The following ATRX variants were observed in gnomAD, a reference collection of about 807,000 sequenced individuals.
ATRX encodes chromatin remodeler ATRX.
A neutral mutation model predicts 172.6 loss-of-function variants in ATRX; 12 were observed. The observed-to-expected ratio is 0.07, with a 90% confidence interval of 0.04 to 0.11. The LOEUF is 0.11. Among genes scored for constraint, ATRX ranks in the 10% least tolerant of loss-of-function variants. The pLI is 1.00. For missense variants in ATRX, 1,368 were observed against 1,767.4 expected (o/e 0.77, Z 4.05); for synonymous variants, 674 against 594.7 (o/e 1.13, Z -1.94).
rs2148150847 is a variant in ATRX at position 77,599,837 on chromosome X, G to A, written c.5698-17C>T. The A allele has an allele frequency of 9.1e-7, 1 of 1,093,719 alleles. No individual in the cohort carries two copies. Among genetic ancestry groups the A allele is most frequent in the Non-Finnish European group, 1.3e-6 (1 of 789,755 alleles). 90.1% of individuals were successfully genotyped at this position (1,093,719 alleles called of 1,213,427 possible). On this transcript the variant is annotated splice_polypyrimidine_tract_variant and intron_variant, in intron 23 of 34. Coordinates refer to ENST00000373344, the MANE Select transcript of ATRX (RefSeq NM_000489.6). ...AAAATAACCCTAGAGAAAAAAAAAT[G>A]ACCACTATTTTAATAGAATATCTCA... is the stretch of plus-strand genomic sequence containing the variant.
intron 22 of ATRX, among the ~76,000 whole-genome samples, chrX:77,611,691 T>C (rs1206990594): frequency 9.0e-6 from 1 of 110,942 alleles, no homozygotes; most frequent in Admixed American, 9.6e-5. Flanking sequence ...ACCCCATCTC[T>C]CTATATAAAA....
At position 77,665,395 on chromosome X, in the gene ATRX, G is replaced by A. The variant is rs782407666; in HGVS notation, c.3810-617C>T. On this transcript the variant is annotated intron_variant, in intron 10 of 34. Coordinates refer to ENST00000373344, the MANE Select transcript of ATRX (RefSeq NM_000489.6). ...ATCTCTAATAATATTCAAGACAGGG[G>A]AAAGAAGGGACATGAGTGCTATTAA... Among the ~76,000 whole-genome samples the A allele has an allele frequency of 5.4e-5, 6 of 111,372 alleles. No individual in the cohort carries two copies. The South Asian group carries it at 2.2e-3, about 42-fold the overall frequency.
chrX:77,709,771 G>A (rs370129003), intron 2 of ATRX, among the ~76,000 whole-genome samples: 136 of 108,391 alleles, frequency 1.3e-3, no homozygotes, highest in African/African-American at 3.1e-3. Flanking sequence ...ACACAGTGAG[G>A]CTCTGTCTCT....
In ATRX at chrX:77,552,555, T is replaced by C. The variant is rs186556194; in HGVS notation, c.6699+4896A>G. 9.7e-3 allele frequency among the ~76,000 whole-genome samples: 1,066 copies of C among 109,791 alleles called. 8 individuals are homozygous for C. The highest frequency in any genetic ancestry group is 0.033 in the African/African-American group (1,003 of 30,135). On this transcript the variant is annotated intron_variant, in intron 30 of 34. Coordinates refer to ENST00000373344, the MANE Select transcript of ATRX (RefSeq NM_000489.6). The stretch of plus-strand genomic sequence containing the variant: ...GCAGCACACCAACATGGCACACGTA[T>C]ACATATGTAACAAACCTGCACGTTG...
chrX:77,605,747 C>T (rs782685079), intron 22 of ATRX, among the ~76,000 whole-genome samples: 3 of 111,202 alleles, frequency 2.7e-5, no homozygotes, highest in East Asian at 5.6e-4. Context: ...AAAATACTAA[C>T]CTAATTCAAC....
At chrX:77,737,933 G>A (rs2074675113) in intron 1 of ATRX, among the ~76,000 whole-genome samples, 1 of 111,457 alleles carries the variant, frequency 9.0e-6, no homozygotes, top group Admixed American at 9.6e-5. Context: ...ATTCTAACAT[G>A]TACATTTAAT....
intron 27 of ATRX, among the ~76,000 whole-genome samples, chrX:77,579,751 G>C (rs782056350): frequency 8.9e-6 from 1 of 111,844 alleles, no homozygotes; most frequent in African/African-American, 3.2e-5. Context: ...TCAATGCCAA[G>C]ACACCAACGA....
At chrX:77,551,792 G>A (rs1415212191) in intron 30 of ATRX, among the ~76,000 whole-genome samples, 3 of 111,559 alleles carry the variant, frequency 2.7e-5, no homozygotes, top group South Asian at 3.8e-4. Flanking sequence ...AAACAACCCC[G>A]TCAACAAGTG....
At chrX:77,753,268 A>T (rs1192992924) in intron 1 of ATRX, among the ~76,000 whole-genome samples, 2 of 111,151 alleles carry the variant, frequency 1.8e-5, no homozygotes, top group African/African-American at 6.5e-5. Flanking sequence ...GGTGTTTATA[A>T]TATTATCTGA....
At chrX:77,601,479 T>TAA (rs577604717) in intron 22 of ATRX, among the ~76,000 whole-genome samples, 12 of 89,783 alleles carry the variant, frequency 1.3e-4, no homozygotes, top group African/African-American at 4.1e-4. Context: ...CCTTGTCTCT[T>TAA]AAAAAAAAAA....
intron 30 of ATRX, among the ~76,000 whole-genome samples, chrX:77,546,774 G>A (rs923287246): frequency 3.6e-5 from 4 of 111,819 alleles, no homozygotes; most frequent in African/African-American, 1.3e-4. Flanking sequence ...GTGTGCCACT[G>A]TGTCCGACTA....
rs2148656223 is a variant in ATRX at position 77,688,833 on chromosome X, T to C, written c.579A>G (p.Gln193=). ...KDSIYRHPSL[Q]VLICKNCFKY... is the part of the protein sequence containing the mutation. Reference sequence around the variant, plus strand: ...CATTACATACCTTACAAATAAGAACTTGCAATGAAGGGTGTCTATAAATGG... The same window carrying C: ...CATTACATACCTTACAAATAAGAACCTGCAATGAAGGGTGTCTATAAATGG... Residue 193 remains glutamine (Q), a synonymous_variant, in exon 7 of 35, where the codon CAA becomes CAG. Coordinates refer to ENST00000373344, the MANE Select transcript of ATRX (RefSeq NM_000489.6). The C allele has an allele frequency of 8.3e-7, 1 of 1,202,454 alleles. No homozygotes were observed. The highest frequency in any genetic ancestry group is 1.1e-6 in the Non-Finnish European group (1 of 887,371).
chrX:77,703,973 G>C (rs1205011983), intron 2 of ATRX, among the ~76,000 whole-genome samples: 2 of 110,873 alleles, frequency 1.8e-5, no homozygotes, highest in Non-Finnish European at 3.8e-5. Flanking sequence ...GTTACTACAA[G>C]TGTTCAGCTA....
intron 30 of ATRX, among the ~76,000 whole-genome samples, chrX:77,556,982 T>C (rs1205489319): frequency 8.9e-6 from 1 of 111,871 alleles, no homozygotes; most frequent in Non-Finnish European, 1.9e-5. Context: ...GCTGCTGGAT[T>C]GAGGGAGATA....
chrX:77,662,004 G>A (rs1423528185), intron 12 of ATRX, among the ~76,000 whole-genome samples: 1 of 111,204 alleles, frequency 9.0e-6, no homozygotes, highest in African/African-American at 3.3e-5. Flanking sequence ...TGCTTGTGTT[G>A]TAAATCTTCA....
intron 22 of ATRX, among the ~76,000 whole-genome samples, chrX:77,602,305 C>A (rs781998973): frequency 9.0e-6 from 1 of 111,298 alleles, no homozygotes; most frequent in East Asian, 2.8e-4. Flanking sequence ...CCACTGTAGT[C>A]GGCACTTATT....
chrX:77,590,727 C>T (rs1400567225), intron 26 of ATRX, among the ~76,000 whole-genome samples: 1 of 110,617 alleles, frequency 9.0e-6, no homozygotes, highest in Non-Finnish European at 1.9e-5. Flanking sequence ...GAACTTCAAC[C>T]TAAACTGCAT....
At chrX:77,714,891 T>C (rs1383491597) in intron 2 of ATRX, among the ~76,000 whole-genome samples, 8 of 112,098 alleles carry the variant, frequency 7.1e-5, no homozygotes, top group Non-Finnish European at 1.3e-4. Context: ...GAAATAAGAA[T>C]AGGGACTGTG....
At chrX:77,635,026 A>C (rs2068277671) in intron 16 of ATRX, among the ~76,000 whole-genome samples, 1 of 112,087 alleles carries the variant, frequency 8.9e-6, no homozygotes, top group Non-Finnish European at 1.9e-5. Flanking sequence ...TCACGCCTGT[A>C]ATCCAAGCAC....
Sources: allele counts gnomAD v4.1 joint callset (sites outside exome capture counted in the v4.1 genomes callset), GRCh38; gene constraint gnomAD v4.1.1; transcripts MANE v1.5; gene names NCBI Gene and HGNC (gene_info 2026-07-23, HGNC 2026-07-21).